FBXL20: variants seen among roughly 807,000 people sequenced by gnomAD.
FBXL20 encodes F-box and leucine rich repeat protein 20, also known as F-box/LRR-repeat protein 20.
FBXL20 carries 11 observed loss-of-function variants against 64.0 expected under a neutral mutation model. The observed-to-expected ratio is 0.17, with a 90% CI of 0.11 to 0.28. The LOEUF (loss-of-function observed/expected upper bound fraction) is 0.28. FBXL20 is among the 10% of genes least tolerant of loss of function. FBXL20 has a pLI of 1.00. For missense variants in FBXL20, 303 were observed against 526.2 expected (o/e 0.58, Z 4.15); for synonymous variants, 184 against 189.0 (o/e 0.97, Z 0.22).
chr17:39,332,052 AG>A, intron 2 of FBXL20, among the ~76,000 whole-genome samples: 1 of 152,228 alleles, frequency 6.6e-6, no homozygotes, highest in African/African-American at 2.4e-5. Flanking sequence ...ATTAACAGCA[AG>A]TGTATGACAG....
chr17:39,372,711 G>C (rs1199400614), intron 1 of FBXL20, among the ~76,000 whole-genome samples: 1 of 150,300 alleles, frequency 6.7e-6, no homozygotes, highest in Non-Finnish European at 1.5e-5. Flanking sequence ...CACCTCCCAG[G>C]TTTGAGCAAT....
At chr17:39,369,288 GTC>G (rs2047892039) in intron 1 of FBXL20, among the ~76,000 whole-genome samples, 1 of 125,078 alleles carries the variant, frequency 8.0e-6, no homozygotes, top group Admixed American at 9.4e-5. Context: ...TTGAGACAGA[GTC>G]TCTGTCGCTG....
chr17:39,359,306 A>G (rs2047771766), intron 1 of FBXL20, among the ~76,000 whole-genome samples: 2 of 152,128 alleles, frequency 1.3e-5, no homozygotes, highest in South Asian at 4.1e-4. Flanking sequence ...ACTTCACTCC[A>G]GCCTGAGCGT....
chr17:39,339,846 T>A (rs895092620), intron 2 of FBXL20, among the ~76,000 whole-genome samples: 4 of 151,498 alleles, frequency 2.6e-5, no homozygotes, highest in African/African-American at 9.7e-5. Context: ...CAGGGTTTCA[T>A]CATGTTGGCC....
At chr17:39,390,773 GTA>G in intron 1 of FBXL20, among the ~76,000 whole-genome samples, 1 of 152,156 alleles carries the variant, frequency 6.6e-6, no homozygotes, top group African/African-American at 2.4e-5. Flanking sequence ...AGTAGGCCAA[GTA>G]CAGTGGCTCA....
chr17:39,378,663 G>A (rs1405134915), intron 1 of FBXL20, among the ~76,000 whole-genome samples: 1 of 151,466 alleles, frequency 6.6e-6, no homozygotes, highest in African/African-American at 2.4e-5. Context: ...AGGCTGGAGT[G>A]CAGTGGCACC....
Position 39,257,896 on chromosome 17 carries a change from G to C in FBXL20, c.*3564C>G, listed in dbSNP as rs1386898941. 1 of 152,980 alleles carries C rather than the reference G, an allele frequency of 6.5e-6. No individual in the cohort carries two copies. The highest frequency in any genetic ancestry group is 1.9e-4 in the East Asian group (1 of 5,202). The allele number at this position is 152,980 out of a possible 1,614,324, so 9.5% of individuals were successfully genotyped here. ...AAAATAAGCTGGAGTCAGCTCAATG[G>C]GGCTGATGAAGAGGATGAAAAGACA... On this transcript the variant is annotated 3_prime_UTR_variant, in exon 15 of 15. Coordinates refer to ENST00000264658, the MANE Select transcript of FBXL20 (RefSeq NM_032875.3).
At chr17:39,376,876 G>A (rs367919126) in intron 1 of FBXL20, among the ~76,000 whole-genome samples, 8 of 152,196 alleles carry the variant, frequency 5.3e-5, no homozygotes, top group African/African-American at 1.9e-4. Flanking sequence ...AACCACCTTT[G>A]CAAAATTATG....
At chr17:39,381,797 GAAA>G (rs562910166) in intron 1 of FBXL20, among the ~76,000 whole-genome samples, 2 of 101,262 alleles carry the variant, frequency 2.0e-5, no homozygotes, top group Non-Finnish European at 4.1e-5. Context: ...TCTCTGAAGG[GAAA>G]AAAAAAAAAA....
chr17:39,360,229 G>A (rs2047781447), intron 1 of FBXL20, among the ~76,000 whole-genome samples: 1 of 152,164 alleles, frequency 6.6e-6, no homozygotes, highest in South Asian at 2.1e-4. Flanking sequence ...GGGGCTAAAA[G>A]GGGAGAGGGA....
At chr17:39,387,607 T>C (rs1211116606) in intron 1 of FBXL20, among the ~76,000 whole-genome samples, 1 of 146,602 alleles carries the variant, frequency 6.8e-6, no homozygotes, top group Non-Finnish European at 1.5e-5. Context: ...AGACAAGGTC[T>C]CACTCTGTCT....
At chr17:39,296,133 T>C (rs972236303) in intron 6 of FBXL20, among the ~76,000 whole-genome samples, 1 of 152,092 alleles carries the variant, frequency 6.6e-6, no homozygotes, top group Non-Finnish European at 1.5e-5. Context: ...CACTAAGTAC[T>C]CAAAGGAAAC....
chr17:39,303,707 G>C, intron 2 of FBXL20, 68 bp from the exon 3 acceptor site: 2 of 1,408,158 alleles, frequency 1.4e-6, no homozygotes, highest in Non-Finnish European at 2.0e-6. Context: ...TTTATTTTGA[G>C]ACAGGGTCTC....
chr17:39,314,543 T>C (rs955005296), intron 2 of FBXL20, among the ~76,000 whole-genome samples: 1 of 152,152 alleles, frequency 6.6e-6, no homozygotes, highest in East Asian at 1.9e-4. Flanking sequence ...GTATATATAG[T>C]AGAGACAGAG....
rs146948559 is a variant in FBXL20, at chr17:39,381,678, C to T, written c.42+19683G>A. 3.9e-3 allele frequency among the ~76,000 whole-genome samples: 597 copies of T among 151,316 alleles called. 8 individuals carry two copies. The highest frequency in any genetic ancestry group is 0.014 in the African/African-American group (563 of 41,218). On this transcript the variant is annotated intron_variant, in intron 1 of 14. Coordinates refer to ENST00000264658, the MANE Select transcript of FBXL20 (RefSeq NM_032875.3). ...TGGTGGTGTACACTTGTAGTCTTAG[C>T]TACTCAGGGGGCTGAGGTGGGAAGA...
chr17:39,265,037 C>T lies in FBXL20; in HGVS notation c.990+360G>A, dbSNP rs146960821. On this transcript the variant is annotated intron_variant, in intron 13 of 14. Transcript: ENST00000264658. ...AAAGCTTTGATTGGTTCCATTCTTA[C>T]GACCAGTAACATTACATCTTAAGGT... 2.1e-3 allele frequency among the ~76,000 whole-genome samples: 321 copies of T among 152,270 alleles called. 1 individual carries two copies. Among genetic ancestry groups the T allele is most frequent in the African/African-American group, 7.2e-3 (300 of 41,540 alleles).
Position 39,257,740 on chromosome 17 carries a change from GAGA to G in FBXL20, c.*3717_*3719del, listed in dbSNP as rs1289232672. ...CTGCCTTTGACAGCCCCTGGAGTAG[GAGA>G]AGGATTCAAAAAGGAAGCTAGACTT... On this transcript the variant is annotated 3_prime_UTR_variant, in exon 15 of 15. Transcript: ENST00000264658. 1 of 152,348 alleles carries G rather than the reference GAGA, an allele frequency of 6.6e-6. No individual in the cohort carries two copies. Among genetic ancestry groups the G allele is most frequent in the African/African-American group, 2.4e-5 (1 of 41,448 alleles). 9.4% of individuals were successfully genotyped at this position (152,348 alleles called of 1,614,324 possible). A position where few individuals can be genotyped will look rare whatever the true frequency, so the allele number is the denominator to read the frequency against.
chr17:39,321,339 C>G (rs762353838), intron 2 of FBXL20, among the ~76,000 whole-genome samples: 22 of 151,298 alleles, frequency 1.5e-4, no homozygotes, highest in Non-Finnish European at 3.1e-4. Context: ...GTAATCCCAG[C>G]TAGTCGGGAG....
intron 1 of FBXL20, among the ~76,000 whole-genome samples, chr17:39,367,586 G>C (rs2047873565): frequency 1.3e-5 from 2 of 151,936 alleles, no homozygotes; most frequent in South Asian, 4.1e-4. Context: ...CAAAGTGCTA[G>C]GATTACAGGC....
Sources: allele counts gnomAD v4.1 joint callset (sites outside exome capture counted in the v4.1 genomes callset), GRCh38; gene constraint gnomAD v4.1.1; transcripts MANE v1.5; gene names NCBI Gene and HGNC (gene_info 2026-07-23, HGNC 2026-07-21).